The following OTOG variants were observed in gnomAD, a reference collection of about 807,000 sequenced individuals.
OTOG encodes the protein otogelin.
A neutral mutation model predicts 313.8 loss-of-function variants in OTOG; 296 were observed. The observed-to-expected ratio is 0.94, with a 90% CI of 0.86 to 1.04. The LOEUF is 1.04. Ranked by LOEUF, OTOG falls within the 50% of genes least tolerant of loss-of-function variation. OTOG has a pLI of 0.00. For synonymous variants in OTOG, 1,533 were observed against 1,554.9 expected, an observed-to-expected ratio of 0.99 and a Z score of 0.33; for missense variants, 3,948 against 3,840.1, an observed-to-expected ratio of 1.03 and a Z score of -0.74.
intron 39 of OTOG, among the ~76,000 whole-genome samples, chr11:17,616,164 T>TC (rs1203718976): frequency 1.3e-5 from 2 of 151,840 alleles, no homozygotes; most frequent in South Asian, 2.1e-4. Flanking sequence ...GGCTCAGCAA[T>TC]CCCCCCACCT....
intron 24 of OTOG, among the ~76,000 whole-genome samples, chr11:17,587,360 G>T (rs1459845813): frequency 6.6e-6 from 1 of 152,208 alleles, no homozygotes; most frequent in Non-Finnish European, 1.5e-5. Context: ...AATGCTGGGG[G>T]ACGGGGTGAG....
rs1076312 is a variant in OTOG at position 17,572,966 on chromosome 11, A to T, written c.2081-112A>T. 0.45 allele frequency: 446,321 copies of T among 998,424 alleles called. 103,398 individuals are homozygous for T. Among genetic ancestry groups the T allele is most frequent in the African/African-American group, 0.71 (43,893 of 61,476 alleles). 61.8% of individuals were successfully genotyped at this position (998,424 alleles called of 1,614,324 possible). A position where few individuals can be genotyped will look rare whatever the true frequency, so the allele number is the denominator to read the frequency against. Reference sequence around the variant, plus strand: ...CTGAAGTAGCTGCCTACATCCGTACAGCGTGTGCACACACACACACCCCTG... The same window carrying T: ...CTGAAGTAGCTGCCTACATCCGTACTGCGTGTGCACACACACACACCCCTG... On this transcript the variant is annotated intron_variant, in intron 18 of 55. Transcript: ENST00000399397.
chr11:17,600,062 G>T (rs1188813490), intron 31 of OTOG, among the ~76,000 whole-genome samples: 1 of 152,258 alleles, frequency 6.6e-6, no homozygotes, highest in Non-Finnish European at 1.5e-5. Context: ...GTTCCCCGAA[G>T]ATTAGCTTTT....
rs773070929 is a variant in OTOG at position 17,570,271 on chromosome 11, C to T, written c.1836C>T (p.Gly612=). Residue 612 remains glycine (G), a synonymous_variant, in exon 17 of 56, where the codon GGC becomes GGT. Transcript: ENST00000399397. ...SVFLRVRTNV[G]VRVLYDREGL... ...TCCTGCGGGTGAGGACGAACGTGGG[C>T]GTGCGGGTGCTCTACGACCGTGAAG... The T allele has an allele frequency of 5.8e-6, 9 of 1,550,830 alleles. No homozygotes were observed. In the Admixed American group the frequency reaches 5.9e-5, roughly 10 times the overall value.
chr11:17,565,106 C>T (rs1341650603), intron 15 of OTOG, among the ~76,000 whole-genome samples: 1 of 152,128 alleles, frequency 6.6e-6, no homozygotes, highest in African/African-American at 2.4e-5. Context: ...AAAGTGCATA[C>T]CTTATTTAGA....
chr11:17,588,172 T>C (rs1381157615), intron 24 of OTOG, among the ~76,000 whole-genome samples: 3 of 152,198 alleles, frequency 2.0e-5, no homozygotes, highest in Non-Finnish European at 2.9e-5. Flanking sequence ...CATAGAAAAC[T>C]AGGAGATAGA....
chr11:17,643,013 G>T, intron 53 of OTOG, among the ~76,000 whole-genome samples: 1 of 152,168 alleles, frequency 6.6e-6, no homozygotes, highest in East Asian at 1.9e-4. Context: ...AGAGGAGGAG[G>T]GTTTTAACGG....
rs538832087 is a variant in OTOG, at chr11:17,633,836, G to A, written c.7229G>A (p.Arg2410Gln). 584 of 1,549,004 alleles carry A rather than the reference G, an allele frequency of 3.8e-4. 12 individuals are homozygous for A. In the South Asian group the frequency reaches 6.5e-3, roughly 17 times the overall value. Residue 2410 changes from arginine (R) to glutamine (Q), a missense_variant, in exon 43 of 56, where the codon CGG becomes CAG. Physicochemically the swap from Arg to Gln is conservative, Grantham distance 43. Transcript: ENST00000399397. ...TGCTCCGAGGGCACCATCTTACACC[G>A]GCGCCACTCTGCACTCTGCATCCCG... Reference protein sequence around the residue: ...CVCSEGTILHRRHSALCIPEA... With the variant: ...CVCSEGTILHQRHSALCIPEA...
chr11:17,622,264 A>G (rs1472435528), intron 39 of OTOG, among the ~76,000 whole-genome samples: 1 of 152,180 alleles, frequency 6.6e-6, no homozygotes, highest in African/African-American at 2.4e-5. Context: ...GTAGGTATAT[A>G]TATTTGTGGG....
chr11:17,593,052 G>A (rs1367473393), intron 25 of OTOG, 141 bp from the exon 26 acceptor site: 11 of 847,030 alleles, frequency 1.3e-5, no homozygotes, highest in East Asian at 5.6e-5. Context: ...AACAGAAGTC[G>A]CCCAAAGTCA....
rs753910841 is a variant in OTOG, at chr11:17,559,153, G to A, written c.1205G>A (p.Arg402Gln). The A allele has an allele frequency of 6.3e-5, 97 of 1,537,832 alleles. No homozygotes were observed. The highest frequency in any genetic ancestry group is 5.6e-4 in the African/African-American group (41 of 73,172). Residue 402 changes from arginine (R) to glutamine (Q), a missense_variant, in exon 11 of 56, where the codon CGG becomes CAG. Physicochemically the swap from Arg to Gln is conservative, Grantham distance 43. Transcript: ENST00000399397. ...RPLQGWRTQL[R>Q]QCTVHCKEKA... ...TTGCAAGGCTGGAGGACCCAGCTCC[G>A]GCAATGCAGTAGGTGCAGCCCAGTA...
At chr11:17,613,476 C>T in intron 38 of OTOG, 136 bp from the exon 39 acceptor site, 1 of 721,736 alleles carries the variant, frequency 1.4e-6, no homozygotes, top group Non-Finnish European at 2.4e-6. Flanking sequence ...GCACCATCAG[C>T]CCAGCCTGAT....
At chr11:17,577,549 C>T (rs1314389915) in intron 22 of OTOG, among the ~76,000 whole-genome samples, 3 of 152,180 alleles carry the variant, frequency 2.0e-5, no homozygotes, top group African/African-American at 7.2e-5. Context: ...TCTTCCCTGG[C>T]ACTCACTAGC....
At chr11:17,607,229 A>C (rs1443458893) in intron 33 of OTOG, among the ~76,000 whole-genome samples, 1 of 152,234 alleles carries the variant, frequency 6.6e-6, no homozygotes, top group Non-Finnish European at 1.5e-5. Flanking sequence ...GTTTCTTTAC[A>C]GCTGGCAGCA....
intron 37 of OTOG, 46 bp from the exon 38 acceptor site, chr11:17,612,574 C>T (rs1241608708): frequency 6.5e-7 from 1 of 1,530,316 alleles, no homozygotes; most frequent in Non-Finnish European, 8.8e-7. Context: ...CGGCCTTGGT[C>T]TTGGAGGCAT....
rs1396083615 is a variant in OTOG, at chr11:17,635,669, C to T, written c.7753C>T (p.His2585Tyr). The T allele has an allele frequency of 1.3e-6, 2 of 1,550,574 alleles. No homozygotes were observed. The highest frequency in any genetic ancestry group is 4.9e-5 in the East Asian group (2 of 40,920). ...ECQEGEALTV[H>Y]RNTTELCCPL... is the part of the protein sequence containing the mutation. ...TCAAGAAGGGGAGGCGCTCACTGTGCACAGGAATACCACGGAACTCTGCTG... is the reference window on the plus strand; with the variant it reads ...TCAAGAAGGGGAGGCGCTCACTGTGTACAGGAATACCACGGAACTCTGCTG... Residue 2585 changes from histidine to tyrosine, a missense_variant, in exon 47 of 56, where the codon CAC becomes TAC. By Grantham distance (83) the His-to-Tyr change is moderately conservative (BLOSUM62 2). Coordinates refer to ENST00000399397, the MANE Select transcript of OTOG (RefSeq NM_001292063.2).
intron 39 of OTOG, among the ~76,000 whole-genome samples, chr11:17,627,663 C>T (rs959979401): frequency 1.3e-5 from 2 of 150,406 alleles, no homozygotes; most frequent in African/African-American, 5.0e-5. Flanking sequence ...TTGGTATTAA[C>T]TCTTCTTCAA....
At chr11:17,567,748 A>G (rs1034917381) in intron 15 of OTOG, among the ~76,000 whole-genome samples, 21 of 152,156 alleles carry the variant, frequency 1.4e-4, no homozygotes, top group African/African-American at 4.6e-4. Flanking sequence ...GCTTTTGTAC[A>G]AGTTGTTCCT....
chr11:17,580,678 C>T (rs1334126582), intron 23 of OTOG, among the ~76,000 whole-genome samples: 2 of 152,176 alleles, frequency 1.3e-5, no homozygotes, highest in Non-Finnish European at 2.9e-5. Context: ...AGAAGGAAGG[C>T]AGTGAGCCAG....
Sources: allele counts gnomAD v4.1 joint callset (sites outside exome capture counted in the v4.1 genomes callset), GRCh38; gene constraint gnomAD v4.1.1; transcripts MANE v1.5; gene names NCBI Gene and HGNC (gene_info 2026-07-23, HGNC 2026-07-21).